The following ZMYM2 variants were observed in gnomAD, a reference collection of about 807,000 sequenced individuals.
ZMYM2 encodes the protein zinc finger MYM-type protein 2.
ZMYM2 carries 56 observed loss-of-function variants against 162.8 expected under a neutral mutation model. That is an observed-to-expected ratio of 0.34 (90% confidence interval 0.28 to 0.43). The LOEUF is 0.43. Ranked by LOEUF, ZMYM2 falls within the 20% of genes least tolerant of loss-of-function variation. ZMYM2 has a pLI of 1.00. For missense variants in ZMYM2, 1,275 were observed against 1,621.8 expected (o/e 0.79, Z 3.67); for synonymous variants, 510 against 541.6 (o/e 0.94, Z 0.81).
rs548298780 is a variant in ZMYM2, at chr13:19,975,860, A to AAATG, written c.-11+15835_-11+15838dup. Among the ~76,000 whole-genome samples the AAATG allele has an allele frequency of 2.7e-4, 24 of 87,848 alleles. No homozygotes were observed. The South Asian group carries it at 6.1e-3, about 22-fold the overall frequency. The allele number at this position is 87,848 out of a possible 152,430, so 57.6% of individuals were successfully genotyped here. A position where few individuals can be genotyped will look rare whatever the true frequency, so the allele number is the denominator to read the frequency against. On this transcript the variant is annotated intron_variant, in intron 2 of 24. Coordinates refer to ENST00000610343, the MANE Select transcript of ZMYM2 (RefSeq NM_197968.4). ...TTTTAAAATTTTTCCTCCATTTTTA[A>AAATG]AATGTATGTATGTATGTATGTATGT... is the stretch of plus-strand genomic sequence containing the variant.
the ZMYM2 span, among the ~76,000 whole-genome samples, chr13:19,938,942 G>A: frequency 6.6e-6 from 1 of 151,420 alleles, no homozygotes; most frequent in Non-Finnish European, 1.5e-5. Flanking sequence ...AAAGGAAACT[G>A]CCTCAATTCA....
At position 20,086,771 on chromosome 13, in the gene ZMYM2, GTA is replaced by G. The variant is rs35941536; in HGVS notation, c.*784_*785del. 0.16 allele frequency: 20,839 copies of G among 133,634 alleles called. 2,728 individuals are homozygous for G. Among genetic ancestry groups the G allele is most frequent in the African/African-American group, 0.37 (13,701 of 36,886 alleles). 8.3% of individuals were successfully genotyped at this position (133,634 alleles called of 1,614,324 possible). ...TATATATATGTATGTATGTGTGTGTGTATATATATATATATATATATATATAT... is the reference window on the plus strand; with the variant it reads ...TATATATATGTATGTATGTGTGTGTGTATATATATATATATATATATATAT... On this transcript the variant is annotated 3_prime_UTR_variant, in exon 25 of 25. Coordinates refer to ENST00000610343, the MANE Select transcript of ZMYM2 (RefSeq NM_197968.4).
chr13:19,906,308 A>G, the ZMYM2 span, among the ~76,000 whole-genome samples: 2 of 123,154 alleles, frequency 1.6e-5, no homozygotes, highest in South Asian at 4.7e-4. Flanking sequence ...ATATATATAT[A>G]TATATATATA....
chr13:19,913,367 G>C, the ZMYM2 span, among the ~76,000 whole-genome samples: 2 of 152,110 alleles, frequency 1.3e-5, no homozygotes, highest in African/African-American at 4.8e-5. Flanking sequence ...AAAGTTGGGC[G>C]TGTACAGCAG....
At chr13:19,910,270 C>T in the ZMYM2 span, among the ~76,000 whole-genome samples, 1 of 151,880 alleles carries the variant, frequency 6.6e-6, no homozygotes, top group Non-Finnish European at 1.5e-5. Flanking sequence ...TGTTATGAAC[C>T]CATTAAGCAG....
chr13:19,978,542 G>C (rs1377797817), intron 2 of ZMYM2, among the ~76,000 whole-genome samples: 1 of 151,864 alleles, frequency 6.6e-6, no homozygotes, highest in Non-Finnish European at 1.5e-5. Context: ...TCAGCCTGCC[G>C]AGTAGCTGGG....
rs768648512 is a variant in ZMYM2 at position 20,067,399 on chromosome 13, T to A, written c.3453+9T>A. 6.3e-7 allele frequency: 1 copy of A among 1,591,192 alleles called. No individual in the cohort carries two copies. Among genetic ancestry groups the A allele is most frequent in the East Asian group, 2.2e-5 (1 of 44,472 alleles). ...GCCTTGGAATACAGGAGGTTAGTAA[T>A]TTGATGGCTGCTTTCAAGTATAACA... On this transcript the variant is annotated intron_variant, in intron 21 of 24. Coordinates refer to ENST00000610343, the MANE Select transcript of ZMYM2 (RefSeq NM_197968.4).
the ZMYM2 span, among the ~76,000 whole-genome samples, chr13:19,873,140 G>A: frequency 6.6e-6 from 1 of 152,146 alleles, no homozygotes; most frequent in Non-Finnish European, 1.5e-5. Flanking sequence ...GACAGAGCAA[G>A]TATCACTCAT....
intron 2 of ZMYM2, among the ~76,000 whole-genome samples, chr13:19,972,648 C>A (rs747587042): frequency 6.6e-6 from 1 of 151,924 alleles, no homozygotes; most frequent in African/African-American, 2.4e-5. Flanking sequence ...AATATACTTG[C>A]ATTTTCTTCA....
At chr13:19,944,266 A>C in the ZMYM2 span, among the ~76,000 whole-genome samples, 60,623 of 152,050 alleles carry the variant, frequency 0.4, 12,154 homozygotes, top group African/African-American at 0.43. Flanking sequence ...TCAATTTTTA[A>C]AAGTAGCAGT....
At chr13:19,984,355 G>A (rs1008086420) in intron 2 of ZMYM2, among the ~76,000 whole-genome samples, 19 of 152,168 alleles carry the variant, frequency 1.2e-4, no homozygotes, top group African/African-American at 4.3e-4. Flanking sequence ...GTATCACAAG[G>A]CAGCTTAAAA....
At chr13:19,968,844 A>G (rs1956041912) in intron 2 of ZMYM2, among the ~76,000 whole-genome samples, 1 of 152,252 alleles carries the variant, frequency 6.6e-6, no homozygotes, top group East Asian at 1.9e-4. Context: ...AAAATCAAGT[A>G]GGAAGTGTGT....
intron 12 of ZMYM2, among the ~76,000 whole-genome samples, chr13:20,048,055 A>C (rs1045904126): frequency 6.6e-6 from 1 of 152,040 alleles, no homozygotes; most frequent in African/African-American, 2.4e-5. Flanking sequence ...CAAAAGGTCC[A>C]CTGTTTCCCA....
chr13:20,076,052 G>GT, intron 21 of ZMYM2, among the ~76,000 whole-genome samples: 1 of 143,544 alleles, frequency 7.0e-6, no homozygotes. Flanking sequence ...GTATATTTCT[G>GT]TTTTTCATGA....
rs968898329 is a variant in ZMYM2, at chr13:20,069,991, TTTTTC to T, written c.3453+2607_3453+2611del. ...TTTTTTTTTCTTTTATGTTACTTTG[TTTTTC>T]TTTTCATCTGCTTCCATCTTAAGCA... On this transcript the variant is annotated intron_variant, in intron 21 of 24. Coordinates refer to ENST00000610343, the MANE Select transcript of ZMYM2 (RefSeq NM_197968.4). Among the ~76,000 whole-genome samples, 95 of 152,170 alleles carry T rather than the reference TTTTTC, an allele frequency of 6.2e-4. 2 individuals are homozygous for T. The highest frequency in any genetic ancestry group is 3.1e-3 in the South Asian group (15 of 4,818).
the ZMYM2 span, among the ~76,000 whole-genome samples, chr13:19,906,682 C>T: frequency 1.3e-5 from 2 of 151,764 alleles, no homozygotes; most frequent in East Asian, 1.9e-4. Context: ...CTTAAGCGAG[C>T]CTTCTGCTTC....
the ZMYM2 span, among the ~76,000 whole-genome samples, chr13:19,948,450 G>A: frequency 2.0e-5 from 3 of 152,170 alleles, no homozygotes; most frequent in Non-Finnish European, 4.4e-5. Context: ...ACCAAGCCAT[G>A]AAAGGACACG....
At chr13:19,877,529 G>A in the ZMYM2 span, among the ~76,000 whole-genome samples, 1,837 of 152,310 alleles carry the variant, frequency 0.012, 39 homozygotes, top group African/African-American at 0.04. Context: ...CCCAAGCCCA[G>A]ATACTTCCCA....
intron 1 of ZMYM2, among the ~76,000 whole-genome samples, chr13:19,959,499 G>A (rs979626396): frequency 2.6e-5 from 4 of 152,148 alleles, no homozygotes; most frequent in Non-Finnish European, 5.9e-5. Context: ...CGACTGCAGG[G>A]GGGGGCAAAC....
Sources: gnomAD v4.1 joint callset for allele counts (sites outside exome capture counted in the v4.1 genomes callset) on GRCh38, gnomAD v4.1.1 for gene constraint, MANE v1.5 for transcripts, NCBI Gene and HGNC (gene_info 2026-07-23, HGNC 2026-07-21) for gene names.